The following HTRA1 variants were observed in gnomAD, a reference collection of about 807,000 sequenced individuals.
HTRA1 encodes HtrA serine peptidase 1.
HTRA1 carries 26 observed loss-of-function variants against 49.7 expected under a neutral mutation model. The observed-to-expected ratio is 0.52, with a 90% CI of 0.38 to 0.73. The LOEUF (loss-of-function observed/expected upper bound fraction) is 0.73. HTRA1 is among the 30% of genes least tolerant of loss of function. The pLI, the probability that HTRA1 is intolerant of heterozygous loss-of-function variation, is 0.00. For synonymous variants in HTRA1, 291 were observed against 286.9 expected, an observed-to-expected ratio of 1.01 and a Z score of -0.14; for missense variants, 561 against 667.2, an observed-to-expected ratio of 0.84 and a Z score of 1.75.
rs972377857 is a variant in HTRA1, at chr10:122,500,168, T to C, written c.778-6523T>C. On this transcript the variant is annotated intron_variant, in intron 3 of 8. Coordinates refer to ENST00000368984, the MANE Select transcript of HTRA1 (RefSeq NM_002775.5). ...GGAAGGAAGCTGAAATACCGATGGG[T>C]CATTGCTTTTCACAGTCCTCTATGA... Among the ~76,000 whole-genome samples the C allele has an allele frequency of 1.2e-4, 19 of 152,118 alleles. 1 individual carries two copies. Among genetic ancestry groups the C allele is most frequent in the African/African-American group, 4.6e-4 (19 of 41,422 alleles).
At chr10:122,507,538 A>G (rs1300333015) in intron 5 of HTRA1, 136 bp downstream of exon 5, 1 of 732,006 alleles carries the variant, frequency 1.4e-6, no homozygotes, top group Non-Finnish European at 2.5e-6. Flanking sequence ...GTGTATTATA[A>G]ATTCCTTTAA....
chr10:122,491,680 G>A (rs1238807757), intron 3 of HTRA1, among the ~76,000 whole-genome samples: 2 of 152,238 alleles, frequency 1.3e-5, no homozygotes, highest in African/African-American at 4.8e-5. Flanking sequence ...AGACGTGAAC[G>A]ATCTCAATAG....
chr10:122,468,950 A>G (rs189070228), intron 1 of HTRA1, among the ~76,000 whole-genome samples: 7 of 152,226 alleles, frequency 4.6e-5, no homozygotes, highest in Admixed American at 1.3e-4. Context: ...TTTAGATTCC[A>G]GGACAAATTG....
chr10:122,505,236 G>A (rs1199878189), intron 3 of HTRA1, among the ~76,000 whole-genome samples: 1 of 152,146 alleles, frequency 6.6e-6, no homozygotes, highest in Non-Finnish European at 1.5e-5. Flanking sequence ...CCAGGTGTGT[G>A]CTCTTGACCA....
At chr10:122,501,812 C>T (rs190204773) in intron 3 of HTRA1, among the ~76,000 whole-genome samples, 5 of 151,970 alleles carry the variant, frequency 3.3e-5, no homozygotes, top group Non-Finnish European at 7.4e-5. Flanking sequence ...ATGGTGGTGG[C>T]CGTCTTGTGG....
intron 1 of HTRA1, among the ~76,000 whole-genome samples, chr10:122,462,715 T>G (rs1264419489): frequency 6.6e-6 from 1 of 152,224 alleles, no homozygotes; most frequent in Non-Finnish European, 1.5e-5. Flanking sequence ...CCGCTCTCGT[T>G]TCGGCGGCGT....
intron 1 of HTRA1, among the ~76,000 whole-genome samples, chr10:122,466,051 C>T (rs1256405060): frequency 6.6e-6 from 1 of 152,184 alleles, no homozygotes; most frequent in Non-Finnish European, 1.5e-5. Context: ...TTTAGGATCG[C>T]CTGCTCCTGG....
chr10:122,474,805 C>G (rs577006440), intron 1 of HTRA1, among the ~76,000 whole-genome samples: 2 of 152,136 alleles, frequency 1.3e-5, no homozygotes, highest in South Asian at 4.1e-4. Context: ...TTCCCTAATG[C>G]ATAAAATAGG....
intron 6 of HTRA1, among the ~76,000 whole-genome samples, chr10:122,509,875 A>T (rs2097504810): frequency 6.6e-6 from 1 of 152,140 alleles, no homozygotes; most frequent in East Asian, 1.9e-4. Flanking sequence ...GCCATGAGGA[A>T]TTAAGGGTCA....
At chr10:122,509,494 T>G (rs1420221504) in intron 6 of HTRA1, among the ~76,000 whole-genome samples, 1 of 152,104 alleles carries the variant, frequency 6.6e-6, no homozygotes, top group Non-Finnish European at 1.5e-5. Flanking sequence ...ACAAGGCCCC[T>G]GAAGTGGCCT....
At chr10:122,466,443 A>G (rs1404684962) in intron 1 of HTRA1, among the ~76,000 whole-genome samples, 1 of 152,182 alleles carries the variant, frequency 6.6e-6, no homozygotes, top group Non-Finnish European at 1.5e-5. Flanking sequence ...CTGGGATTAC[A>G]GGAGTGAGCC....
chr10:122,484,930 A>G (rs1188184355), intron 1 of HTRA1, among the ~76,000 whole-genome samples: 1 of 152,184 alleles, frequency 6.6e-6, no homozygotes, highest in Non-Finnish European at 1.5e-5. Flanking sequence ...GGGCCCATCT[A>G]TGGGAATTCT....
At chr10:122,507,467 G>A (rs2097503556) in intron 5 of HTRA1, 65 bp downstream of exon 5, 1 of 1,231,376 alleles carries the variant, frequency 8.1e-7, no homozygotes, top group African/African-American at 1.9e-5. Context: ...TTTTTTGTTT[G>A]TTTGTTTGTT....
intron 7 of HTRA1, 22 bp downstream of exon 7, chr10:122,510,175 C>A (rs745846192): frequency 6.2e-7 from 1 of 1,603,728 alleles, no homozygotes; most frequent in Non-Finnish European, 8.5e-7. Flanking sequence ...GGATGCGTGT[C>A]TGTGTCTTAA....
rs2097482892 is a variant in HTRA1, at chr10:122,464,355, G to A, written c.472+2231G>A. Among the ~76,000 whole-genome samples the A allele has an allele frequency of 6.6e-6, 1 of 152,194 alleles. No individual in the cohort carries two copies. The highest frequency in any genetic ancestry group is 6.5e-5 in the Admixed American group (1 of 15,276). ...CACAGCGGGCCCCCGGTGTACCAGT[G>A]AGGGGACAGCCACAGAGGGATAAGC... On this transcript the variant is annotated intron_variant, in intron 1 of 8. Transcript: ENST00000368984. The surrounding 1 kb of genome is among the most constrained non-coding windows in gnomAD (Gnocchi z 4.8).
chr10:122,488,805 G>A lies in HTRA1; in HGVS notation c.473-97G>A, dbSNP rs1182141870. On this transcript the variant is annotated intron_variant, in intron 1 of 8. Transcript: ENST00000368984. ...CTCACTCCGCCTTCAGAATTCCAAA[G>A]GCTGGGCATGCATCTTGGCTTCCTC... 5.2e-6 allele frequency: 5 copies of A among 965,018 alleles called. No individual in the cohort carries two copies. In the African/African-American group the frequency reaches 6.4e-5, roughly 12 times the overall value. The allele number at this position is 965,018 out of a possible 1,614,324, so 59.8% of individuals were successfully genotyped here. A position where few individuals can be genotyped will look rare whatever the true frequency, so the allele number is the denominator to read the frequency against.
chr10:122,480,922 A>C (rs552765138), intron 1 of HTRA1, among the ~76,000 whole-genome samples: 3 of 152,284 alleles, frequency 2.0e-5, no homozygotes, highest in African/African-American at 7.2e-5. Context: ...CAAATACTGC[A>C]AACATCACAA....
chr10:122,471,010 A>G (rs947753147), intron 1 of HTRA1, among the ~76,000 whole-genome samples: 2 of 152,130 alleles, frequency 1.3e-5, no homozygotes, highest in African/African-American at 4.8e-5. Context: ...GGTCCAGAAC[A>G]TCAGCATCCC....
chr10:122,497,498 G>A (rs2097499243), intron 3 of HTRA1, among the ~76,000 whole-genome samples: 2 of 152,214 alleles, frequency 1.3e-5, no homozygotes, highest in African/African-American at 2.4e-5. Flanking sequence ...TTCAGCAGAT[G>A]CTGAAAGGCT....
Sources: allele counts gnomAD v4.1 joint callset (sites outside exome capture counted in the v4.1 genomes callset), GRCh38; gene constraint gnomAD v4.1.1; non-coding constraint Gnocchi (gnomAD v3.1); transcripts MANE v1.5; gene names NCBI Gene and HGNC (gene_info 2026-07-23, HGNC 2026-07-21).